PKIB: variants seen among roughly 807,000 people sequenced by gnomAD.
PKIB encodes the protein PKI-beta.
Under a neutral mutation model 4.5 loss-of-function variants are expected in PKIB, and 2 were observed. The ratio of observed to expected loss-of-function variants is 0.44; its 90% CI spans 0.18 to 1.39. The LOEUF is 1.39. Among genes scored for constraint, PKIB ranks in the 40% most tolerant of loss-of-function variants. The probability of loss-of-function intolerance (pLI) is 0.27; values close to 1 mark genes in which losing one functional copy is unlikely to be tolerated. For synonymous variants in PKIB, 38 were observed against 36.0 expected (o/e 1.06, Z -0.20); for missense variants, 94 against 92.6 (o/e 1.02, Z -0.06).
At chr6:122,587,296 G>A (rs550611821) in intron 3 of PKIB, among the ~76,000 whole-genome samples, 6 of 152,142 alleles carry the variant, frequency 3.9e-5, no homozygotes, top group African/African-American at 1.2e-4. Flanking sequence ...TTATCCTTGC[G>A]ATAGTTTGCT....
At chr6:122,521,331 G>A (rs886769204) in intron 2 of PKIB, among the ~76,000 whole-genome samples, 1 of 152,086 alleles carries the variant, frequency 6.6e-6, no homozygotes, top group Non-Finnish European at 1.5e-5. Flanking sequence ...TTCACTTTTT[G>A]TCACACGACA....
intron 2 of PKIB, among the ~76,000 whole-genome samples, chr6:122,656,838 C>T (rs752633638): frequency 6.6e-6 from 1 of 152,218 alleles, no homozygotes; most frequent in African/African-American, 2.4e-5. Flanking sequence ...ATATTTGCCA[C>T]GTACATCTCC....
intron 2 of PKIB, among the ~76,000 whole-genome samples, chr6:122,583,672 C>A (rs1459095008): frequency 6.6e-6 from 1 of 152,026 alleles, no homozygotes; most frequent in African/African-American, 2.4e-5. Flanking sequence ...CTTCTTGGCA[C>A]AAATATCACC....
At chr6:122,642,684 A>C (rs1189648207) in intron 2 of PKIB, among the ~76,000 whole-genome samples, 1 of 152,188 alleles carries the variant, frequency 6.6e-6, no homozygotes, top group African/African-American at 2.4e-5. Flanking sequence ...TTTGTCCTAC[A>C]GTTGTCTTGA....
At position 122,587,658 on chromosome 6, in the gene PKIB, T is replaced by G. The variant is rs1056666116; in HGVS notation, c.-161+1651T>G. On this transcript the variant is annotated intron_variant, in intron 3 of 6. Transcript: ENST00000392491. ...AGCCCCACCAACAGTGTAAAAGTGT[T>G]CCTATTTCTCCACATCCTCTCCAGC... Among the ~76,000 whole-genome samples, 4 of 152,290 alleles carry G rather than the reference T, an allele frequency of 2.6e-5. No homozygotes were observed. In the South Asian group the frequency reaches 8.3e-4, roughly 32 times the overall value.
At chr6:122,698,339 C>T (rs1449124424) in intron 3 of PKIB, among the ~76,000 whole-genome samples, 2 of 152,114 alleles carry the variant, frequency 1.3e-5, no homozygotes, top group Non-Finnish European at 2.9e-5. Context: ...TAGAATATGC[C>T]AGAAGGGCCA....
chr6:122,654,158 A>G (rs185867029), intron 2 of PKIB, among the ~76,000 whole-genome samples: 6 of 152,266 alleles, frequency 3.9e-5, no homozygotes, highest in African/African-American at 1.4e-4. Flanking sequence ...CCCTATCTTT[A>G]TGTTCTGCTC....
rs369546130 is a variant in PKIB at position 122,516,331 on chromosome 6, T to C, written c.-248+38392T>C. 3.3e-4 allele frequency among the ~76,000 whole-genome samples: 51 copies of C among 152,288 alleles called. 1 individual carries two copies. Among genetic ancestry groups the C allele is most frequent in the African/African-American group, 1.2e-3 (51 of 41,550 alleles). On this transcript the variant is annotated intron_variant, in intron 2 of 6. Coordinates refer to the PKIB transcript ENST00000392491. Reference sequence around the variant, plus strand: ...CTTCTTGGGGGACTGGTTTTTGCTTTAATATAACTCCATAGGAGACCTAAA... The same window carrying C: ...CTTCTTGGGGGACTGGTTTTTGCTTCAATATAACTCCATAGGAGACCTAAA...
At chr6:122,569,245 G>T (rs1773286094) in intron 2 of PKIB, among the ~76,000 whole-genome samples, 1 of 152,260 alleles carries the variant, frequency 6.6e-6, no homozygotes, top group South Asian at 2.1e-4. Flanking sequence ...TCCACCTATT[G>T]CCTGAGAAAC....
chr6:122,650,331 T>A (rs1173596050), intron 2 of PKIB, among the ~76,000 whole-genome samples: 9 of 152,304 alleles, frequency 5.9e-5, no homozygotes, highest in Admixed American at 5.9e-4. Flanking sequence ...CTGCAATCCC[T>A]CTAGGAATAT....
chr6:122,535,493 T>C (rs116905767), intron 2 of PKIB, among the ~76,000 whole-genome samples: 127 of 152,308 alleles, frequency 8.3e-4, no homozygotes, highest in Non-Finnish European at 1.4e-3. Flanking sequence ...ACATTTTGAT[T>C]CTGTTGTCCT....
intron 2 of PKIB, chr6:122,644,759 ACTT>A (rs1776246474): frequency 2.3e-5 from 2 of 85,888 alleles, no homozygotes; most frequent in Admixed American, 2.3e-4. Context: ...AAATTATTAA[ACTT>A]AAACTGGTGA....
intron 2 of PKIB, among the ~76,000 whole-genome samples, chr6:122,571,902 A>G (rs548382461): frequency 6.6e-6 from 1 of 152,314 alleles, no homozygotes; most frequent in East Asian, 1.9e-4. Flanking sequence ...TTCAGGTTGA[A>G]TGTAAATAGC....
intron 2 of PKIB, among the ~76,000 whole-genome samples, chr6:122,538,788 A>T (rs1051643665): frequency 1.6e-4 from 24 of 152,180 alleles, no homozygotes; most frequent in African/African-American, 5.5e-4. Flanking sequence ...CATTTTCACA[A>T]TATTGATTCT....
upstream of PKIB, among the ~76,000 whole-genome samples, chr6:122,607,466 C>T (rs1302727696): frequency 2.0e-5 from 3 of 151,990 alleles, no homozygotes; most frequent in African/African-American, 7.3e-5. Context: ...TGGAGTGAGC[C>T]GAGATTGGGC....
At chr6:122,678,125 A>G (rs754396131) in intron 3 of PKIB, among the ~76,000 whole-genome samples, 1 of 151,936 alleles carries the variant, frequency 6.6e-6, no homozygotes, top group Non-Finnish European at 1.5e-5. Flanking sequence ...GTCTCGATCT[A>G]CTGACCTCAT....
At chr6:122,713,360 G>A (rs7760232) in intron 3 of PKIB, among the ~76,000 whole-genome samples, 134,534 of 152,166 alleles carry the variant, frequency 0.88, 59,648 homozygotes, top group Middle Eastern at 0.92. Context: ...TGCCTTGGTT[G>A]GCAAACATAA....
intron 1 of PKIB, among the ~76,000 whole-genome samples, chr6:122,473,727 A>C (rs1027805832): frequency 6.6e-6 from 1 of 152,232 alleles, no homozygotes; most frequent in Non-Finnish European, 1.5e-5. Context: ...AGTTTTCTCA[A>C]TATATACCAG....
intron 3 of PKIB, among the ~76,000 whole-genome samples, chr6:122,596,444 C>A (rs929632551): frequency 2.0e-5 from 3 of 152,174 alleles, no homozygotes; most frequent in African/African-American, 7.2e-5. Flanking sequence ...AGCCTGATCA[C>A]GTATATACCA....
Sources: gnomAD v4.1 joint callset for allele counts (sites outside exome capture counted in the v4.1 genomes callset) on GRCh38, gnomAD v4.1.1 for gene constraint, MANE v1.5 for transcripts, NCBI Gene and HGNC (gene_info 2026-07-23, HGNC 2026-07-21) for gene names.